DKK2: variants seen among roughly 807,000 people sequenced by gnomAD.
DKK2 encodes dickkopf Wnt signaling pathway inhibitor 2.
Under a neutral mutation model 28.1 loss-of-function variants are expected in DKK2, and 11 were observed. The observed-to-expected ratio is 0.39, with a 90% CI of 0.25 to 0.65. The LOEUF is 0.65. DKK2 is among the 30% of genes least tolerant of loss of function. The pLI, the probability that DKK2 is intolerant of heterozygous loss-of-function variation, is 0.47. For missense variants in DKK2, 326 were observed against 335.5 expected (o/e 0.97, Z 0.22); for synonymous variants, 135 against 126.5 (o/e 1.07, Z -0.45).
At chr4:107,032,817 A>G (rs906697010) in intron 1 of DKK2, among the ~76,000 whole-genome samples, 5 of 152,188 alleles carry the variant, frequency 3.3e-5, no homozygotes, top group Non-Finnish European at 7.4e-5. Flanking sequence ...ATTTTCAATC[A>G]TATTTACTAT....
chr4:106,957,197 A>T (rs1192329644), intron 1 of DKK2, among the ~76,000 whole-genome samples: 4 of 152,032 alleles, frequency 2.6e-5, no homozygotes, highest in African/African-American at 9.7e-5. Context: ...TCAAAACCAC[A>T]ATGAGATACC....
intron 1 of DKK2, among the ~76,000 whole-genome samples, chr4:107,010,412 C>T (rs147294902): frequency 2.6e-4 from 40 of 151,770 alleles, no homozygotes; most frequent in African/African-American, 9.4e-4. Context: ...TGATGTTTCA[C>T]TGTTATCAAT....
chr4:106,924,828 T>C, intron 2 of DKK2, 128 bp from the exon 3 acceptor site: 1 of 893,036 alleles, frequency 1.1e-6, no homozygotes, highest in Non-Finnish European at 1.6e-6. Flanking sequence ...TATCCACCCA[T>C]CCATTCATTT....
intron 1 of DKK2, among the ~76,000 whole-genome samples, 194 bp downstream of exon 1, chr4:107,035,176 G>T (rs1181344944): frequency 6.6e-6 from 1 of 152,090 alleles, no homozygotes; most frequent in Non-Finnish European, 1.5e-5. Flanking sequence ...TTGACTCCGT[G>T]CAGTGCAGGA....
intron 1 of DKK2, among the ~76,000 whole-genome samples, chr4:106,989,926 T>A (rs1477700259): frequency 6.6e-6 from 1 of 152,126 alleles, no homozygotes; most frequent in African/African-American, 2.4e-5. Context: ...GTGAAATTAA[T>A]CTTAAAAATA....
At chr4:106,953,963 C>T (rs1722541429) in intron 1 of DKK2, among the ~76,000 whole-genome samples, 1 of 152,114 alleles carries the variant, frequency 6.6e-6, no homozygotes, top group Admixed American at 6.5e-5. Flanking sequence ...GTATGAGGAC[C>T]ATCTCTTGCA....
intron 1 of DKK2, among the ~76,000 whole-genome samples, chr4:106,930,034 C>T (rs1018933018): frequency 1.3e-5 from 2 of 152,136 alleles, no homozygotes; most frequent in African/African-American, 4.8e-5. Context: ...ACATCTCTTT[C>T]TAGAAGCCTC....
At chr4:106,992,229 G>A (rs1723215696) in intron 1 of DKK2, among the ~76,000 whole-genome samples, 1 of 152,222 alleles carries the variant, frequency 6.6e-6, no homozygotes, top group Non-Finnish European at 1.5e-5. Context: ...TTAGGATGGA[G>A]TAGAAATGCT....
intron 1 of DKK2, among the ~76,000 whole-genome samples, chr4:107,028,796 C>T (rs1274760475): frequency 6.6e-6 from 1 of 152,170 alleles, no homozygotes; most frequent in Non-Finnish European, 1.5e-5. Context: ...ACATGTCAGC[C>T]AAACAAACAA....
chr4:107,024,763 G>A (rs1723747065), intron 1 of DKK2, among the ~76,000 whole-genome samples: 3 of 152,194 alleles, frequency 2.0e-5, no homozygotes, highest in South Asian at 4.1e-4. Flanking sequence ...AAGGCTTAAC[G>A]GTGTTATACA....
At chr4:106,959,310 G>A (rs947068906) in intron 1 of DKK2, among the ~76,000 whole-genome samples, 13 of 152,094 alleles carry the variant, frequency 8.5e-5, no homozygotes, top group African/African-American at 2.7e-4. Flanking sequence ...GCGCCTGATT[G>A]CCTTATATAA....
chr4:106,955,004 T>A (rs1371409381), intron 1 of DKK2, among the ~76,000 whole-genome samples: 1 of 152,190 alleles, frequency 6.6e-6, no homozygotes, highest in African/African-American at 2.4e-5. Context: ...ATTAATAACA[T>A]TGCTTTGCTT....
chr4:106,957,195 A>G (rs1464864414), intron 1 of DKK2, among the ~76,000 whole-genome samples: 1 of 152,046 alleles, frequency 6.6e-6, no homozygotes, highest in South Asian at 2.1e-4. Flanking sequence ...AATCAAAACC[A>G]CAATGAGATA....
intron 1 of DKK2, among the ~76,000 whole-genome samples, chr4:107,015,337 C>T (rs1336418720): frequency 6.6e-6 from 1 of 151,446 alleles, no homozygotes; most frequent in Non-Finnish European, 1.5e-5. Context: ...TACTTATTAG[C>T]CATTATTTTG....
intron 1 of DKK2, among the ~76,000 whole-genome samples, chr4:107,008,849 T>C (rs986701972): frequency 2.6e-5 from 4 of 151,986 alleles, no homozygotes; most frequent in South Asian, 2.1e-4. Flanking sequence ...ACTAATAATA[T>C]AGAAGAGTTT....
intron 1 of DKK2, among the ~76,000 whole-genome samples, chr4:106,949,056 G>A (rs779612717): frequency 1.1e-4 from 16 of 152,014 alleles, no homozygotes; most frequent in South Asian, 2.1e-4. Flanking sequence ...TTGTGTATAC[G>A]GGTATATAAA....
rs763027870 is a variant in DKK2, at chr4:106,925,819, G to T, written c.353C>A (p.Pro118His). ...KRCHRDGMCC[P>H]STRCNNGICI... is the part of the protein sequence containing the mutation. ...TTTACCATTATTGCAGCGGGTACTGGGGCAGCACATGCCATCTCGGTGGCA... is the reference window on the plus strand; with the variant it reads ...TTTACCATTATTGCAGCGGGTACTGTGGCAGCACATGCCATCTCGGTGGCA... The change falls in exon 2 of 4, where the codon CCC becomes CAC. Residue 118 changes from proline (P) to histidine (H), a missense_variant. By Grantham distance (77) the Pro-to-His change is moderately conservative (BLOSUM62 -2). Transcript: ENST00000285311. The T allele has an allele frequency of 2.5e-6, 4 of 1,612,154 alleles. No homozygotes were observed. The highest frequency in any genetic ancestry group is 1.1e-5 in the South Asian group (1 of 90,976).
chr4:106,983,348 G>GA, intron 1 of DKK2, among the ~76,000 whole-genome samples: 1 of 134,758 alleles, frequency 7.4e-6, no homozygotes, highest in African/African-American at 2.7e-5. Context: ...AAGAAAGAAA[G>GA]AAAGAAAGAA....
At chr4:106,944,971 A>G (rs1724754874) in intron 1 of DKK2, among the ~76,000 whole-genome samples, 1 of 152,142 alleles carries the variant, frequency 6.6e-6, no homozygotes, top group Non-Finnish European at 1.5e-5. Context: ...TTCCACATTA[A>G]AATTGGATGA....
Sources: gnomAD v4.1 joint callset for allele counts (sites outside exome capture counted in the v4.1 genomes callset) on GRCh38, gnomAD v4.1.1 for gene constraint, MANE v1.5 for transcripts, NCBI Gene and HGNC (gene_info 2026-07-23, HGNC 2026-07-21) for gene names.